Variants in DISP1 observed in about 807,000 individuals in gnomAD.
DISP1 encodes the protein dispatched RND transporter family member 1.
DISP1 carries 30 observed loss-of-function variants against 37.3 expected under a neutral mutation model. The observed-to-expected ratio is 0.80, with a 90% confidence interval of 0.60 to 1.09. DISP1 has a LOEUF of 1.09. Among genes scored for constraint, DISP1 ranks in the 50% least tolerant of loss-of-function variants. The pLI, the probability that DISP1 is intolerant of heterozygous loss-of-function variation, is 0.00. For missense variants in DISP1, 1,598 were observed against 1,879.5 expected (o/e 0.85, Z 2.77); for synonymous variants, 634 against 690.2 (o/e 0.92, Z 1.28).
chr1:222,905,211 C>T (rs1400168667), intron 1 of DISP1, among the ~76,000 whole-genome samples: 1 of 152,106 alleles, frequency 6.6e-6, no homozygotes, highest in Non-Finnish European at 1.5e-5. Flanking sequence ...AGAAATATTT[C>T]TTCCCTTAAA....
intron 1 of DISP1, among the ~76,000 whole-genome samples, chr1:222,823,303 A>T (rs1663415471): frequency 6.6e-6 from 1 of 152,218 alleles, no homozygotes. Flanking sequence ...GGATGACTAG[A>T]TAAAGAAAAT....
chr1:222,944,417 G>T (rs1490861954), intron 3 of DISP1, among the ~76,000 whole-genome samples: 1 of 150,052 alleles, frequency 6.7e-6, no homozygotes, highest in Non-Finnish European at 1.5e-5. Flanking sequence ...ACTTTCTAGA[G>T]ACCTAGTATT....
At chr1:222,902,894 G>A (rs1237676457) in intron 1 of DISP1, among the ~76,000 whole-genome samples, 1 of 151,442 alleles carries the variant, frequency 6.6e-6, no homozygotes, top group South Asian at 2.1e-4. Flanking sequence ...TCAGTGTGGC[G>A]ATTCCTCAGG....
intron 1 of DISP1, among the ~76,000 whole-genome samples, chr1:222,873,955 T>G (rs533911058): frequency 6.3e-4 from 96 of 152,220 alleles, no homozygotes; most frequent in Non-Finnish European, 1.1e-3. Flanking sequence ...AGGAGCTCTT[T>G]TAGGGCAGGC....
chr1:222,898,785 T>G (rs545120323), intron 1 of DISP1, among the ~76,000 whole-genome samples: 39 of 152,302 alleles, frequency 2.6e-4, no homozygotes, highest in Admixed American at 4.6e-4. Flanking sequence ...AGATAATGTA[T>G]GAGGCTGCTT....
At chr1:222,967,285 G>T (rs1053722557) in intron 3 of DISP1, among the ~76,000 whole-genome samples, 1 of 152,166 alleles carries the variant, frequency 6.6e-6, no homozygotes, top group Non-Finnish European at 1.5e-5. Context: ...TCCCTTATTT[G>T]CTTTCCCAGT....
intron 1 of DISP1, among the ~76,000 whole-genome samples, chr1:222,818,368 C>T (rs1456764008): frequency 7.2e-5 from 11 of 152,090 alleles, no homozygotes; most frequent in Admixed American, 3.3e-4. Flanking sequence ...AGGGGAATCC[C>T]TCCCACCTCT....
intron 3 of DISP1, among the ~76,000 whole-genome samples, chr1:222,951,546 C>CT (rs1327587808): frequency 1.3e-5 from 2 of 152,236 alleles, no homozygotes; most frequent in African/African-American, 4.8e-5. Context: ...ACTTTGAACA[C>CT]TTCATCAACA....
chr1:222,921,817 G>A (rs1005264108), intron 1 of DISP1, among the ~76,000 whole-genome samples: 1 of 151,756 alleles, frequency 6.6e-6, no homozygotes, highest in Admixed American at 6.6e-5. Flanking sequence ...CTTCTTAAGG[G>A]GTATAAAAAT....
intron 3 of DISP1, among the ~76,000 whole-genome samples, chr1:222,944,649 G>C (rs1013036577): frequency 9.2e-5 from 14 of 152,138 alleles, no homozygotes; most frequent in Admixed American, 8.5e-4. Context: ...TATTCCCTCT[G>C]TCTTCACCAG....
chr1:222,891,032 G>T (rs1381012557), intron 1 of DISP1, among the ~76,000 whole-genome samples: 4 of 152,008 alleles, frequency 2.6e-5, no homozygotes, highest in Non-Finnish European at 4.4e-5. Context: ...AGGTACTGAG[G>T]GTTAAGACTT....
At chr1:222,939,988 T>C (rs369021076) in intron 2 of DISP1, among the ~76,000 whole-genome samples, 1 of 151,462 alleles carries the variant, frequency 6.6e-6, no homozygotes, top group East Asian at 1.9e-4. Context: ...TAGCCAGGCG[T>C]GGTGGTGGGC....
At chr1:222,985,433 C>T (rs1389775660) in intron 4 of DISP1, among the ~76,000 whole-genome samples, 4 of 152,170 alleles carry the variant, frequency 2.6e-5, no homozygotes, top group East Asian at 3.9e-4. Context: ...GGGCAGATCA[C>T]GAGGTCAGGA....
At chr1:222,860,754 G>A (rs571250188) in intron 1 of DISP1, among the ~76,000 whole-genome samples, 2 of 152,050 alleles carry the variant, frequency 1.3e-5, no homozygotes, top group African/African-American at 2.4e-5. Flanking sequence ...GCGGGGTAGC[G>A]TGTGCCTGTA....
rs1177270282 is a variant in DISP1 at position 223,004,595 on chromosome 1, C to A, written c.3198C>A (p.Pro1066=). 6.2e-7 allele frequency: 1 copy of A among 1,614,130 alleles called. No individual in the cohort carries two copies. Among genetic ancestry groups the A allele is most frequent in the Non-Finnish European group, 8.5e-7 (1 of 1,180,008 alleles). The change falls in exon 9 of 9, where the codon CCC becomes CCA. Residue 1066 remains proline (P), a synonymous_variant. Coordinates refer to ENST00000675850, the MANE Select transcript of DISP1 (RefSeq NM_001377229.1). The surrounding 1 kb of genome is among the most constrained non-coding windows in gnomAD (Gnocchi z 4.9). ...YGVAYRLAPD[P]DREGKVIFSL... ...TTGCCTACCGCTTGGCTCCAGATCC[C>A]GACCGAGAAGGCAAAGTGATCTTCT... is the stretch of plus-strand genomic sequence containing the variant.
At position 223,003,429 on chromosome 1, in the gene DISP1, T is replaced by C. The variant is rs752773807; in HGVS notation, c.2032T>C (p.Tyr678His). 10 of 1,614,170 alleles carry C rather than the reference T, an allele frequency of 6.2e-6. No individual in the cohort carries two copies. Among genetic ancestry groups the C allele is most frequent in the Non-Finnish European group, 8.5e-6 (10 of 1,180,032 alleles). The part of the protein sequence containing the change: ...TCFKKPQQQI[Y>H]DNKSCWTVAC... ...CTTCAAAAAGCCCCAGCAGCAAATA[T>C]ATGATAACAAAAGCTGCTGGACAGT... Residue 678 changes from tyrosine (Y) to histidine (H), a missense_variant, in exon 9 of 9, where the codon TAT (tyrosine) becomes CAT (histidine). Coordinates refer to ENST00000675850, the MANE Select transcript of DISP1 (RefSeq NM_001377229.1). This position sits in a 1 kb window ranked among gnomAD's most constrained non-coding sequence, Gnocchi z 4.3.
chr1:222,949,065 T>C (rs907109531), intron 3 of DISP1, among the ~76,000 whole-genome samples: 1 of 152,138 alleles, frequency 6.6e-6, no homozygotes, highest in Non-Finnish European at 1.5e-5. Context: ...TCTGTGTGTT[T>C]TTTTTAAAAA....
chr1:222,840,165 C>T lies in DISP1; in HGVS notation c.-159+25087C>T, dbSNP rs147167690. On this transcript the variant is annotated intron_variant, in intron 1 of 8. Coordinates refer to ENST00000675850, the MANE Select transcript of DISP1 (RefSeq NM_001377229.1). ...GTTTCTACTGAATGCATATTCTTTT[C>T]CCACCATGGTAAAGTCGAACTATTA... 4.1e-3 allele frequency among the ~76,000 whole-genome samples: 618 copies of T among 152,246 alleles called. 4 individuals carry two copies. Among genetic ancestry groups the T allele is most frequent in the African/African-American group, 0.014 (602 of 41,534 alleles).
chr1:223,002,036 T>C (rs1452723388), intron 8 of DISP1, among the ~76,000 whole-genome samples: 1 of 152,208 alleles, frequency 6.6e-6, no homozygotes, highest in African/African-American at 2.4e-5. Flanking sequence ...GTCCATTTTA[T>C]TGCTTTTTAA....
Sources: allele counts gnomAD v4.1 joint callset (sites outside exome capture counted in the v4.1 genomes callset), GRCh38; gene constraint gnomAD v4.1.1; non-coding constraint Gnocchi (gnomAD v3.1); transcripts MANE v1.5; gene names NCBI Gene and HGNC (gene_info 2026-07-23, HGNC 2026-07-21).